Variants in PSG7 observed in about 807,000 individuals in gnomAD.
The protein encoded by PSG7 is pregnancy-specific beta-1-glycoprotein 7.
A neutral mutation model predicts 45.6 loss-of-function variants in PSG7; 57 were observed. The observed-to-expected ratio is 1.25, with a 90% CI of 1.01 to 1.56. The LOEUF (loss-of-function observed/expected upper bound fraction) is 1.56. Ranked by LOEUF, PSG7 falls within the 40% of genes most tolerant of loss-of-function variation. The pLI, the probability that PSG7 is intolerant of heterozygous loss-of-function variation, is 0.00. For synonymous variants in PSG7, 298 were observed against 194.4 expected (o/e 1.53, Z -4.43); for missense variants, 796 against 508.4 (o/e 1.57, Z -5.44).
chr19:42,936,618 C>G (rs1377633297), intron 1 of PSG7: 2 of 205,568 alleles, frequency 9.7e-6, no homozygotes, highest in Non-Finnish European at 1.9e-5. Flanking sequence ...TATCCAGGCT[C>G]CAACAGAGCC....
At chr19:42,931,452 T>G (rs1164073342) in intron 2 of PSG7, among the ~76,000 whole-genome samples, 2 of 151,518 alleles carry the variant, frequency 1.3e-5, no homozygotes, top group Admixed American at 1.3e-4. Context: ...AAAGAAGTGA[T>G]GAGTGTTATG....
At position 42,937,155 on chromosome 19, in the gene PSG7, T is replaced by G. The variant is rs561494033; in HGVS notation, c.-79A>C. ...TCTTCCTGAGCACGGCTGTCAGCTGTGCTGTCCTTCCTCCTTCTGCACTGA... is the reference window on the plus strand; with the variant it reads ...TCTTCCTGAGCACGGCTGTCAGCTGGGCTGTCCTTCCTCCTTCTGCACTGA... On this transcript the variant is annotated 5_prime_UTR_variant, in exon 1 of 6. Transcript: ENST00000406070. 42 of 1,555,606 alleles carry G rather than the reference T, an allele frequency of 2.7e-5. 4 individuals are homozygous for G. The South Asian group carries it at 4.7e-4, about 18-fold the overall frequency.
At chr19:42,929,746 G>A (rs1972979446) in intron 2 of PSG7, 26 bp from the exon 3 acceptor site, 5 of 1,603,156 alleles carry the variant, frequency 3.1e-6, no homozygotes, top group Non-Finnish European at 4.3e-6. Flanking sequence ...AGAGAAGATT[G>A]CCCTGTGTGG....
At chr19:42,926,217 A>G in intron 4 of PSG7, 190 bp from the exon 5 acceptor site, 1 of 1,387,580 alleles carries the variant, frequency 7.2e-7, no homozygotes. Context: ...GTGGGCCCCA[A>G]GTCTCCCATG....
rs8110643 is a variant in PSG7, at chr19:42,927,843, A to G, written c.710-1127T>C. On this transcript the variant is annotated intron_variant, in intron 3 of 5. Coordinates refer to ENST00000406070, the MANE Select transcript of PSG7 (RefSeq NM_002783.3). ...GGGAGTTTCTAGAGATCTGCTGTAG[A>G]GCTTGATGCCTATAGTTCACAAAGA... Among the ~76,000 whole-genome samples, 374 of 151,670 alleles carry G rather than the reference A, an allele frequency of 2.5e-3. 10 individuals are homozygous for G. Among genetic ancestry groups the G allele is most frequent in the African/African-American group, 7.4e-3 (306 of 41,288 alleles).
rs1468659842 is a variant in PSG7, at chr19:42,935,399, C to G, written c.430+5G>C. On this transcript the variant is annotated splice_donor_5th_base_variant and intron_variant, in intron 2 of 5. Transcript: ENST00000406070. ...AACACCCAGGGACCATGTGGAATCA[C>G]TCACGGTATAAGGTGAAGGTGAAAC... 1 of 1,611,366 alleles carries G rather than the reference C, an allele frequency of 6.2e-7. No homozygotes were observed. Among genetic ancestry groups the G allele is most frequent in the Non-Finnish European group, 8.5e-7 (1 of 1,178,594 alleles).
intron 2 of PSG7, among the ~76,000 whole-genome samples, chr19:42,934,114 C>T (rs1474468066): frequency 2.0e-5 from 3 of 151,410 alleles, no homozygotes; most frequent in Non-Finnish European, 4.4e-5. Context: ...AAACAAGGTC[C>T]TCTCCTTGAT....
intron 2 of PSG7, among the ~76,000 whole-genome samples, chr19:42,935,031 G>T (rs1393931218): frequency 2.0e-5 from 3 of 151,598 alleles, no homozygotes; most frequent in Non-Finnish European, 4.4e-5. Context: ...AGGCTTCTAG[G>T]GCTGAGCTTC....
At position 42,933,294 on chromosome 19, in the gene PSG7, TATATATATATA is replaced by T. The variant is rs1406086114; in HGVS notation, c.430+2099_430+2109del. Among the ~76,000 whole-genome samples, 22 of 15,222 alleles carry T rather than the reference TATATATATATA, an allele frequency of 1.4e-3. 3 individuals carry two copies. Among genetic ancestry groups the T allele is most frequent in the Non-Finnish European group, 2.5e-3 (14 of 5,516 alleles). The allele number at this position is 15,222 out of a possible 152,430, so 10.0% of individuals were successfully genotyped here. A position where few individuals can be genotyped will look rare whatever the true frequency, so the allele number is the denominator to read the frequency against. Reference sequence around the variant, plus strand: ...ATATATATATATATATATATATATATATATATATATATATTTTTTTTTTTTTTTGGTGTATG... The same window carrying T: ...ATATATATATATATATATATATATATTATTTTTTTTTTTTTTTGGTGTATG... On this transcript the variant is annotated intron_variant, in intron 2 of 5. Coordinates refer to ENST00000406070, the MANE Select transcript of PSG7 (RefSeq NM_002783.3).
intron 2 of PSG7, among the ~76,000 whole-genome samples, chr19:42,932,850 C>T (rs944161274): frequency 1.3e-5 from 2 of 151,292 alleles, no homozygotes; most frequent in African/African-American, 2.4e-5. Flanking sequence ...TTCTATAATC[C>T]CTGACTGCTC....
Position 42,926,550 on chromosome 19 carries a change from G to T in PSG7, c.876C>A (p.Asn292Lys). The change falls in exon 4 of 6, where the codon AAC (asparagine) becomes AAA (lysine). Residue 292 changes from asparagine to lysine, a missense_variant. Asn to Lys is a moderately conservative substitution (Grantham distance 94, BLOSUM62 0). Transcript: ENST00000406070. Reference sequence around the variant, plus strand: ...TGACACTGGGTAGAATGAGGATCCTGTTTTCAATGCGTCGCTTTACCCTGG... The same window carrying T: ...TGACACTGGGTAGAATGAGGATCCTTTTTTCAATGCGTCGCTTTACCCTGG... ...VSPRVKRRIE[N>K]RILILPSVTR... 1 of 1,610,594 alleles carries T rather than the reference G, an allele frequency of 6.2e-7. No individual in the cohort carries two copies. Among genetic ancestry groups the T allele is most frequent in the South Asian group, 1.1e-5 (1 of 90,540 alleles).
At position 42,929,538 on chromosome 19, in the gene PSG7, A is replaced by G. The variant is rs1170533206; in HGVS notation, c.613T>C (p.Phe205Leu). The stretch of plus-strand genomic sequence containing the variant: ...CCTGCAGTATAGTTTGTGACACCAA[A>G]TAGGTAGAGGGTCCTGTTGGTTTCA... ...LSETNRTLYLFGVTNYTAGPY... is the reference protein window; with the variant it reads ...LSETNRTLYLLGVTNYTAGPY... The change falls in exon 3 of 6, where the codon TTT becomes CTT. Residue 205 changes from phenylalanine (F) to leucine (L), a missense_variant. Transcript: ENST00000406070. 2 of 1,612,408 alleles carry G rather than the reference A, an allele frequency of 1.2e-6. No homozygotes were observed. The highest frequency in any genetic ancestry group is 4.5e-5 in the East Asian group (2 of 44,802).
In PSG7 at chr19:42,930,053, C is replaced by G. The variant is rs558258874; in HGVS notation, c.431-333G>C. 8.6e-5 allele frequency among the ~76,000 whole-genome samples: 13 copies of G among 151,740 alleles called. No individual in the cohort carries two copies. In the South Asian group the frequency reaches 2.3e-3, roughly 27 times the overall value. The stretch of plus-strand genomic sequence containing the variant: ...CTGCCTGCCTGGCCCACCTTGTGGT[C>G]CTCACTTGGAGCATTCAGTGCTGGA... On this transcript the variant is annotated intron_variant, in intron 2 of 5. Transcript: ENST00000406070.
chr19:42,924,917 T>C lies in PSG7; in HGVS notation c.1244-93A>G, dbSNP rs1972493205. On this transcript the variant is annotated intron_variant, in intron 5 of 5. Coordinates refer to ENST00000406070, the MANE Select transcript of PSG7 (RefSeq NM_002783.3). ...TTTTATTTTCCACATAATTTTTCTC[T>C]CTATGGGCATCTCTAGTTTTACCAA... 2.0e-5 allele frequency: 15 copies of C among 750,412 alleles called. 1 individual carries two copies. In the South Asian group the frequency reaches 2.1e-4, roughly 11 times the overall value. 46.5% of individuals were successfully genotyped at this position (750,412 alleles called of 1,614,324 possible). A position where few individuals can be genotyped will look rare whatever the true frequency, so the allele number is the denominator to read the frequency against.
At position 42,935,700 on chromosome 19, in the gene PSG7, A is replaced by G. The variant is rs782279863; in HGVS notation, c.134T>C (p.Val45Ala). Residue 45 changes from valine to alanine, a missense_variant, in exon 2 of 6, where the codon GTT (valine) becomes GCT (alanine). Physicochemically the swap from Val to Ala is moderately conservative, Grantham distance 64. Transcript: ENST00000406070. ...QVTIEAQPPK[V>A]SEGKDVLLLV... ...TAGAAGAACATCCTTCCCCTCGGAA[A>G]CTTTTGGTGGCTGGGCTTCAATCGT... 10 of 1,611,870 alleles carry G rather than the reference A, an allele frequency of 6.2e-6. 1 individual carries two copies. Among genetic ancestry groups the G allele is most frequent in the Non-Finnish European group, 8.5e-6 (10 of 1,179,056 alleles).
Position 42,930,853 on chromosome 19 carries a change from C to T in PSG7, c.431-1133G>A, listed in dbSNP as rs112612161. On this transcript the variant is annotated intron_variant, in intron 2 of 5. Transcript: ENST00000406070. ...TAGAGATCTCCTGTACAGCCTCATG[C>T]CTATAGTTCATACAGATAAAGTGCT... Among the ~76,000 whole-genome samples, 48 of 151,608 alleles carry T rather than the reference C, an allele frequency of 3.2e-4. 1 individual carries two copies. The highest frequency in any genetic ancestry group is 1.1e-3 in the African/African-American group (47 of 41,276).
Position 42,929,460 on chromosome 19 carries a change from C to T in PSG7, c.691G>A (p.Val231Ile). The change falls in exon 3 of 6, where the codon GTC becomes ATC. Residue 231 changes from valine (V) to isoleucine (I), a missense_variant. Coordinates refer to ENST00000406070, the MANE Select transcript of PSG7 (RefSeq NM_002783.3). ...NPVSASRSDPVTLNLLPKLPK... is the reference protein window; with the variant it reads ...NPVSASRSDPITLNLLPKLPK... ...TACTCACGGAGGAGATTCAGGGTGA[C>T]TGGGTCACTGCGGCTGGCACTCACT... The T allele has an allele frequency of 1.2e-6, 2 of 1,612,494 alleles. No homozygotes were observed. The highest frequency in any genetic ancestry group is 8.5e-7 in the Non-Finnish European group (1 of 1,179,132).
At chr19:42,926,411 G>T (rs1972889817) in intron 4 of PSG7, 27 bp downstream of exon 4, 2 of 1,609,750 alleles carry the variant, frequency 1.2e-6, no homozygotes, top group East Asian at 4.5e-5. Context: ...GCCCACAGAG[G>T]AAGAAAGGAT....
rs1164142217 is a variant in PSG7 at position 42,926,632 on chromosome 19, T to G, written c.794A>C (p.Lys265Thr). The G allele has an allele frequency of 1.2e-6, 2 of 1,610,160 alleles. No individual in the cohort carries two copies. The highest frequency in any genetic ancestry group is 1.1e-5 in the South Asian group (1 of 90,528). The change falls in exon 4 of 6, where the codon AAG (lysine) becomes ACG (threonine). Residue 265 changes from lysine to threonine, a missense_variant. Physicochemically the swap from Lys to Thr is moderately conservative, Grantham distance 78 (BLOSUM62 -1). Transcript: ENST00000406070. ...CCAAATGTAGGTGTAGTTCTCACTC[T>G]TAGGTTCACAGGTGAAGGTTGAGAC... The part of the protein sequence containing the change: ...KDVSTFTCEP[K>T]SENYTYIWWL...
Sources: gnomAD v4.1 joint callset for allele counts (sites outside exome capture counted in the v4.1 genomes callset) on GRCh38, gnomAD v4.1.1 for gene constraint, MANE v1.5 for transcripts, NCBI Gene and HGNC (gene_info 2026-07-23, HGNC 2026-07-21) for gene names.